Variants in DET1 observed in about 807,000 individuals in gnomAD.
The protein encoded by DET1 is DET1 homolog.
DET1 carries 22 observed loss-of-function variants against 43.7 expected under a neutral mutation model. The observed-to-expected ratio is 0.50, with a 90% confidence interval of 0.36 to 0.72. The LOEUF (loss-of-function observed/expected upper bound fraction) is 0.72. Among genes scored for constraint, DET1 ranks in the 30% least tolerant of loss-of-function variants. The pLI is 0.00. For synonymous variants in DET1, 315 were observed against 266.2 expected, an observed-to-expected ratio of 1.18 and a Z score of -1.79; for missense variants, 713 against 713.3, an observed-to-expected ratio of 1.00 and a Z score of 0.00.
chr15:88,531,850 C>T lies in DET1; in HGVS notation c.-10-135G>A. The stretch of plus-strand genomic sequence containing the variant: ...CCCAAGATGACAGTGACTGGCATTA[C>T]TACTTCCCAGATTATACTGAGTAAG... On this transcript the variant is annotated intron_variant, in intron 1 of 4. Transcript: ENST00000268148. This position sits in a 1 kb window ranked among gnomAD's most constrained non-coding sequence, Gnocchi z 6.2. The T allele has an allele frequency of 1.2e-6, 1 of 822,874 alleles. No homozygotes were observed. The highest frequency in any genetic ancestry group is 1.8e-6 in the Non-Finnish European group (1 of 541,990). The allele number at this position is 822,874 out of a possible 1,614,324, so 51.0% of individuals were successfully genotyped here.
chr15:88,540,359 G>A (rs958625622), intron 1 of DET1, among the ~76,000 whole-genome samples: 1 of 151,790 alleles, frequency 6.6e-6, no homozygotes, highest in African/African-American at 2.4e-5. Context: ...GTTCTTTCTG[G>A]TTATGTTAAT....
intron 2 of DET1, among the ~76,000 whole-genome samples, chr15:88,529,275 G>A (rs2056750305): frequency 6.6e-6 from 1 of 152,096 alleles, no homozygotes; most frequent in African/African-American, 2.4e-5. Flanking sequence ...ATCCTATCAG[G>A]GTTTCACCAG....
intron 1 of DET1, among the ~76,000 whole-genome samples, chr15:88,533,258 G>A (rs754852853): frequency 5.9e-5 from 9 of 152,034 alleles, no homozygotes; most frequent in Non-Finnish European, 1.0e-4. Context: ...CCATTAGAAC[G>A]ACTGCTTTTT....
chr15:88,512,328 C>G, downstream of DET1: 1 of 985,048 alleles, frequency 1.0e-6, no homozygotes. Flanking sequence ...TGGCAGATAA[C>G]TGTCTTCCCT....
At chr15:88,541,949 C>G (rs1348630842) in intron 1 of DET1, among the ~76,000 whole-genome samples, 3 of 152,198 alleles carry the variant, frequency 2.0e-5, no homozygotes, top group African/African-American at 7.2e-5. Flanking sequence ...GAAGCAGCCC[C>G]TCTACTACCA....
chr15:88,528,317 T>C lies in DET1; in HGVS notation c.1084-531A>G, dbSNP rs530863898. Among the ~76,000 whole-genome samples, 5 of 152,336 alleles carry C rather than the reference T, an allele frequency of 3.3e-5. No homozygotes were observed. In the East Asian group the frequency reaches 9.6e-4, roughly 29 times the overall value. On this transcript the variant is annotated intron_variant, in intron 2 of 4. Transcript: ENST00000268148. ...AGTTCAATTTAGGGGTATTTATTTT[T>C]CCCTCTTAATATTTCTAACATGCAG...
intron 8 of DET1, chr15:88,502,127 T>A (rs550219946): frequency 6.6e-6 from 1 of 152,344 alleles, no homozygotes; most frequent in African/African-American, 2.4e-5. Flanking sequence ...AGAGGCAATT[T>A]ATTTTGAGTA....
chr15:88,525,491 G>C (rs1460043781), intron 3 of DET1, among the ~76,000 whole-genome samples: 1 of 152,040 alleles, frequency 6.6e-6, no homozygotes, highest in Non-Finnish European at 1.5e-5. Context: ...CTAATTCCTG[G>C]ATAACTTCAT....
intron 3 of DET1, among the ~76,000 whole-genome samples, chr15:88,521,720 A>G (rs1030280132): frequency 5.9e-5 from 9 of 152,136 alleles, no homozygotes; most frequent in Non-Finnish European, 1.2e-4. Context: ...CATGATTTTA[A>G]TGACTTCAAG....
At chr15:88,544,781 G>A (rs1473790015) in intron 1 of DET1, among the ~76,000 whole-genome samples, 2 of 152,142 alleles carry the variant, frequency 1.3e-5, no homozygotes, top group Non-Finnish European at 2.9e-5. Context: ...GCCTAAGTCA[G>A]GACGTGTATT....
chr15:88,502,933 T>C (rs2056103045), intron 8 of DET1: 1 of 152,210 alleles, frequency 6.6e-6, no homozygotes, highest in Admixed American at 6.5e-5. Context: ...AATAAATGTA[T>C]AACATATGAA....
intron 2 of DET1, among the ~76,000 whole-genome samples, chr15:88,528,194 A>C (rs1290719302): frequency 6.6e-6 from 1 of 152,276 alleles, no homozygotes; most frequent in Non-Finnish European, 1.5e-5. Flanking sequence ...AGCACTTCTT[A>C]AAATGCCAGA....
At chr15:88,523,027 C>T (rs886960184) in intron 3 of DET1, among the ~76,000 whole-genome samples, 1 of 151,852 alleles carries the variant, frequency 6.6e-6, no homozygotes, top group Non-Finnish European at 1.5e-5. Context: ...AGCCGACAGG[C>T]GCATGCCACC....
At chr15:88,523,856 G>C (rs556649291) in intron 3 of DET1, among the ~76,000 whole-genome samples, 1 of 152,208 alleles carries the variant, frequency 6.6e-6, no homozygotes, top group East Asian at 1.9e-4. Flanking sequence ...CTGCCCGGCC[G>C]CCACCCCGTC....
chr15:88,523,493 G>A (rs1049483161), intron 3 of DET1, among the ~76,000 whole-genome samples: 10 of 152,114 alleles, frequency 6.6e-5, no homozygotes, highest in East Asian at 3.9e-4. Flanking sequence ...ATGCCAAGCC[G>A]AGGCTGAACT....
At chr15:88,522,734 G>A (rs1444103604) in intron 3 of DET1, among the ~76,000 whole-genome samples, 1 of 151,498 alleles carries the variant, frequency 6.6e-6, no homozygotes, top group East Asian at 1.9e-4. Context: ...TAGCCAGGAT[G>A]GTCTCCATCT....
downstream of DET1, among the ~76,000 whole-genome samples, chr15:88,508,672 C>G (rs1217531560): frequency 1.3e-5 from 2 of 151,768 alleles, no homozygotes; most frequent in African/African-American, 4.8e-5. Context: ...TCACTGGTGA[C>G]CTGGACAACT....
chr15:88,510,811 G>C (rs183070607), downstream of DET1, among the ~76,000 whole-genome samples: 2 of 145,728 alleles, frequency 1.4e-5, no homozygotes, highest in Non-Finnish European at 3.0e-5. Flanking sequence ...CTGTCCCCCA[G>C]GCTGGCTGGA....
chr15:88,527,807 A>T, intron 2 of DET1, 21 bp from the exon 3 acceptor site: 1 of 1,563,374 alleles, frequency 6.4e-7, no homozygotes, highest in Non-Finnish European at 8.7e-7. Context: ...AAAGAGAGAG[A>T]GGTATGGGAC....
Sources: gnomAD v4.1 joint callset for allele counts (sites outside exome capture counted in the v4.1 genomes callset) on GRCh38, gnomAD v4.1.1 for gene constraint, Gnocchi (gnomAD v3.1) non-coding constraint, MANE v1.5 for transcripts, NCBI Gene and HGNC (gene_info 2026-07-23, HGNC 2026-07-21) for gene names.